PDZRN3: variants seen among roughly 807,000 people sequenced by gnomAD.
The protein encoded by PDZRN3 is PDZ domain containing ring finger 3.
Under a neutral mutation model 85.7 loss-of-function variants are expected in PDZRN3, and 38 were observed. The ratio of observed to expected loss-of-function variants is 0.44; its 90% CI spans 0.34 to 0.58. The LOEUF (loss-of-function observed/expected upper bound fraction) is 0.58, where lower values mean the gene tolerates loss of function less well. Ranked by LOEUF, PDZRN3 falls within the 20% of genes least tolerant of loss-of-function variation. The probability of loss-of-function intolerance (pLI) is 0.01; values close to 1 mark genes in which losing one functional copy is unlikely to be tolerated. For missense variants in PDZRN3, 1,629 were observed against 1,506.4 expected (o/e 1.08, Z -1.35); for synonymous variants, 759 against 638.0 (o/e 1.19, Z -2.86).
At chr3:73,529,168 T>C (rs569940552) in intron 3 of PDZRN3, among the ~76,000 whole-genome samples, 1 of 152,350 alleles carries the variant, frequency 6.6e-6, no homozygotes, top group African/African-American at 2.4e-5. Context: ...ACGGTCTGTC[T>C]TTCTACATAA....
At position 73,384,051 on chromosome 3, in the gene PDZRN3, C is replaced by T. The variant is rs1360425667; in HGVS notation, c.2515G>A (p.Glu839Lys). The change falls in exon 10 of 10, where the codon GAG becomes AAG. Residue 839 changes from glutamate to lysine, a missense_variant. Glu to Lys is a moderately conservative substitution (Grantham distance 56). Transcript: ENST00000263666. ...LDPNQPLESKERRASDGSRSP... is the reference protein window; with the variant it reads ...LDPNQPLESKKRRASDGSRSP... ...CGGCTCCCGTCGCTGGCTCTCCGCT[C>T]TTTGCTTTCCAGGGGCTGGTTGGGG... 2 of 1,606,264 alleles carry T rather than the reference C, an allele frequency of 1.2e-6. No individual in the cohort carries two copies. The highest frequency in any genetic ancestry group is 1.1e-5 in the South Asian group (1 of 90,010).
intron 3 of PDZRN3, among the ~76,000 whole-genome samples, chr3:73,441,492 T>C (rs1220113373): frequency 2.0e-5 from 3 of 150,774 alleles, no homozygotes; most frequent in East Asian, 1.9e-4. Context: ...GGATTTGGCA[T>C]GTGGACCATA....
At chr3:73,404,059 G>A (rs1701805218) in intron 4 of PDZRN3, 89 bp downstream of exon 4, 2 of 1,257,798 alleles carry the variant, frequency 1.6e-6, no homozygotes, top group African/African-American at 1.5e-5. Context: ...ACTATAGGGT[G>A]CATTAATTTT....
intron 3 of PDZRN3, among the ~76,000 whole-genome samples, chr3:73,488,969 C>A (rs554434226): frequency 4.6e-5 from 7 of 152,280 alleles, no homozygotes; most frequent in Admixed American, 4.6e-4. Context: ...CATGACAGTG[C>A]CACAGTGTGT....
intron 3 of PDZRN3, among the ~76,000 whole-genome samples, chr3:73,496,187 G>T (rs934029912): frequency 6.6e-6 from 1 of 151,974 alleles, no homozygotes; most frequent in Admixed American, 6.5e-5. Flanking sequence ...ACAGTACAAA[G>T]AATAAAAAAT....
chr3:73,419,116 A>G (rs1367232719), intron 3 of PDZRN3, among the ~76,000 whole-genome samples: 1 of 152,146 alleles, frequency 6.6e-6, no homozygotes, highest in African/African-American at 2.4e-5. Flanking sequence ...CATGGGTAGA[A>G]TTTGCTAGAA....
At chr3:73,520,214 G>C (rs1276540534) in intron 3 of PDZRN3, among the ~76,000 whole-genome samples, 1 of 152,156 alleles carries the variant, frequency 6.6e-6, no homozygotes, top group Non-Finnish European at 1.5e-5. Flanking sequence ...TATATCAAGA[G>C]TAAACTAGGC....
At chr3:73,579,013 T>C (rs1273085468) in intron 3 of PDZRN3, among the ~76,000 whole-genome samples, 2 of 152,174 alleles carry the variant, frequency 1.3e-5, no homozygotes, top group African/African-American at 4.8e-5. Context: ...TGGAAGGTCC[T>C]TGCTTTGGTC....
At chr3:73,614,671 T>C (rs1455153700) in intron 1 of PDZRN3, among the ~76,000 whole-genome samples, 1 of 152,178 alleles carries the variant, frequency 6.6e-6, no homozygotes, top group Non-Finnish European at 1.5e-5. Context: ...ACTAGTGACA[T>C]GAAAGCACTG....
chr3:73,597,626 C>T (rs901774571), intron 3 of PDZRN3, among the ~76,000 whole-genome samples: 1 of 151,502 alleles, frequency 6.6e-6, no homozygotes, highest in African/African-American at 2.4e-5. Flanking sequence ...TTCTCCAAGC[C>T]ATATGGCTTG....
At chr3:73,452,959 A>AGCT (rs1702897304) in intron 3 of PDZRN3, among the ~76,000 whole-genome samples, 2 of 151,936 alleles carry the variant, frequency 1.3e-5, no homozygotes, top group Admixed American at 1.3e-4. Context: ...CCTGTCTCAC[A>AGCT]GCTGACATTT....
intron 3 of PDZRN3, among the ~76,000 whole-genome samples, chr3:73,577,876 C>G (rs9850092): frequency 0.17 from 25,821 of 152,212 alleles, 2,347 homozygotes; most frequent in African/African-American, 0.24. Flanking sequence ...CCCAAAGCCT[C>G]TTTTTGTGAA....
chr3:73,470,892 G>C (rs1002825564), intron 3 of PDZRN3, among the ~76,000 whole-genome samples: 10 of 152,060 alleles, frequency 6.6e-5, no homozygotes, highest in Admixed American at 5.9e-4. Context: ...GAAAATATCT[G>C]GGAGAAACAC....
chr3:73,415,563 A>G (rs561658139), intron 3 of PDZRN3, among the ~76,000 whole-genome samples: 1 of 152,314 alleles, frequency 6.6e-6, no homozygotes, highest in East Asian at 1.9e-4. Flanking sequence ...AGAGATACAT[A>G]TTTAATAGAA....
chr3:73,613,959 G>A (rs2106911545), intron 1 of PDZRN3, among the ~76,000 whole-genome samples: 1 of 152,184 alleles, frequency 6.6e-6, no homozygotes, highest in Middle Eastern at 3.4e-3. Context: ...TTGGAGAAGG[G>A]GTTGTGGGTA....
chr3:73,385,590 C>T, intron 9 of PDZRN3, 79 bp downstream of exon 9: 1 of 852,230 alleles, frequency 1.2e-6, no homozygotes, highest in Non-Finnish European at 2.0e-6. Flanking sequence ...GTCTTTAGCA[C>T]CATAAAGGGA....
chr3:73,464,021 C>A (rs1198867687), intron 3 of PDZRN3, among the ~76,000 whole-genome samples: 1 of 151,980 alleles, frequency 6.6e-6, no homozygotes, highest in African/African-American at 2.4e-5. Flanking sequence ...AGTCTTACAC[C>A]GTCTCCCGGG....
intron 3 of PDZRN3, among the ~76,000 whole-genome samples, chr3:73,585,572 G>A (rs971466064): frequency 6.6e-6 from 1 of 152,096 alleles, no homozygotes; most frequent in Non-Finnish European, 1.5e-5. Flanking sequence ...CACACCCCCA[G>A]AAACCCTCAG....
chr3:73,600,337 A>ACACACACACACTCTCT (rs34405662), intron 3 of PDZRN3, among the ~76,000 whole-genome samples: 254 of 100,068 alleles, frequency 2.5e-3, no homozygotes, highest in Middle Eastern at 6.7e-3. Flanking sequence ...ACACACACAC[A>ACACACACACACTCTCT]CTCTCTCTCT....
Sources: allele counts gnomAD v4.1 joint callset (sites outside exome capture counted in the v4.1 genomes callset), GRCh38; gene constraint gnomAD v4.1.1; transcripts MANE v1.5; gene names NCBI Gene and HGNC (gene_info 2026-07-23, HGNC 2026-07-21).